The following TWIST2 variants were observed in gnomAD, a reference collection of about 807,000 sequenced individuals.
TWIST2 encodes twist-related protein 2.
TWIST2 carries 1 observed loss-of-function variant against 11.6 expected under a neutral mutation model. That is an observed-to-expected ratio of 0.09 (90% CI 0.03 to 0.41). The LOEUF (loss-of-function observed/expected upper bound fraction) is 0.41, where lower values mean the gene tolerates loss of function less well. TWIST2 is among the 10% of genes least tolerant of loss of function. The probability of loss-of-function intolerance (pLI) is 0.98; values close to 1 mark genes in which losing one functional copy is unlikely to be tolerated. For synonymous variants in TWIST2, 87 were observed against 96.6 expected (o/e 0.90, Z 0.58); for missense variants, 168 against 226.4 (o/e 0.74, Z 1.66).
intron 1 of TWIST2, among the ~76,000 whole-genome samples, chr2:238,859,462 C>G (rs1348942141): frequency 6.6e-6 from 1 of 151,814 alleles, no homozygotes; most frequent in Non-Finnish European, 1.5e-5. Flanking sequence ...CAAAACGCTC[C>G]AGAACTAGGT....
At chr2:238,890,787 T>C (rs34323971) in intron 1 of TWIST2, among the ~76,000 whole-genome samples, 27,757 of 152,046 alleles carry the variant, frequency 0.18, 2,779 homozygotes, top group African/African-American at 0.24. Flanking sequence ...GGGGGATTAG[T>C]CTCTAAGCTC....
intron 1 of TWIST2, among the ~76,000 whole-genome samples, chr2:238,905,888 CGCATGCGCGTGTGTGCGTGT>C (rs1693336689): frequency 2.3e-4 from 32 of 141,348 alleles, no homozygotes; most frequent in African/African-American, 7.5e-4. Context: ...TGCATGTGCG[CGCATGCGCGTGTGTGCGTGT>C]GTGTGCGTGC....
At chr2:238,887,792 G>A (rs563418048) in intron 1 of TWIST2, among the ~76,000 whole-genome samples, 4 of 152,350 alleles carry the variant, frequency 2.6e-5, no homozygotes, top group Middle Eastern at 3.4e-3. Context: ...GAGTCCCTTC[G>A]TGACTGCGTG....
intron 1 of TWIST2, among the ~76,000 whole-genome samples, chr2:238,887,903 T>C (rs1479389721): frequency 1.3e-5 from 2 of 152,218 alleles, no homozygotes; most frequent in Non-Finnish European, 2.9e-5. Flanking sequence ...AAGCCTAACT[T>C]GTTCTGCCTG....
intron 1 of TWIST2, among the ~76,000 whole-genome samples, chr2:238,876,521 T>G (rs933272793): frequency 2.6e-5 from 4 of 152,122 alleles, no homozygotes; most frequent in African/African-American, 9.7e-5. Context: ...GCAGCTAGAT[T>G]AGAAAAAATA....
intron 1 of TWIST2, among the ~76,000 whole-genome samples, chr2:238,888,123 G>A (rs1693073637): frequency 6.6e-6 from 1 of 152,168 alleles, no homozygotes; most frequent in African/African-American, 2.4e-5. Flanking sequence ...AGCTTCATTT[G>A]TTATTTACTA....
intron 1 of TWIST2, among the ~76,000 whole-genome samples, chr2:238,908,988 T>C (rs1693405162): frequency 1.3e-5 from 2 of 152,210 alleles, no homozygotes; most frequent in African/African-American, 4.8e-5. Flanking sequence ...GTGTGTAGTG[T>C]GTAGTATGTT....
chr2:238,876,190 C>A (rs1692802766), intron 1 of TWIST2, among the ~76,000 whole-genome samples: 1 of 152,318 alleles, frequency 6.6e-6, no homozygotes, highest in South Asian at 2.1e-4. Flanking sequence ...AACGGCTGAA[C>A]CTCACTAGAG....
intron 1 of TWIST2, among the ~76,000 whole-genome samples, chr2:238,891,641 G>A (rs1473277880): frequency 6.6e-6 from 1 of 152,196 alleles, no homozygotes; most frequent in Non-Finnish European, 1.5e-5. Flanking sequence ...GTCCTGAAAG[G>A]CAGGTGGGGG....
At chr2:238,854,213 A>G (rs1692291404) in intron 1 of TWIST2, among the ~76,000 whole-genome samples, 1 of 151,890 alleles carries the variant, frequency 6.6e-6, no homozygotes, top group Admixed American at 6.6e-5. Flanking sequence ...CCTGGAAAAT[A>G]CTCCTGTCTT....
intron 1 of TWIST2, among the ~76,000 whole-genome samples, chr2:238,906,593 ACACACT>A (rs1301639506): frequency 2.7e-5 from 4 of 150,692 alleles, no homozygotes; most frequent in African/African-American, 9.9e-5. Flanking sequence ...GCACATGGAC[ACACACT>A]CACTCTGGAC....
intron 1 of TWIST2, among the ~76,000 whole-genome samples, chr2:238,871,786 C>T (rs1692708997): frequency 6.6e-6 from 1 of 152,044 alleles, no homozygotes; most frequent in African/African-American, 2.4e-5. Context: ...GCTGAGTGAA[C>T]TAAGCTGGTC....
At chr2:238,871,777 C>G (rs1358633886) in intron 1 of TWIST2, among the ~76,000 whole-genome samples, 1 of 151,956 alleles carries the variant, frequency 6.6e-6, no homozygotes, top group African/African-American at 2.4e-5. Context: ...GGACACGGTG[C>G]TGAGTGAACT....
At chr2:238,852,782 G>A (rs567189642) in intron 1 of TWIST2, among the ~76,000 whole-genome samples, 12 of 152,302 alleles carry the variant, frequency 7.9e-5, no homozygotes, top group Admixed American at 2.0e-4. Context: ...ATTGCAAGAT[G>A]TCATCACTGG....
At chr2:238,858,010 G>A (rs1157581434) in intron 1 of TWIST2, among the ~76,000 whole-genome samples, 2 of 152,166 alleles carry the variant, frequency 1.3e-5, no homozygotes, top group Non-Finnish European at 2.9e-5. Flanking sequence ...CCTCCCGGCT[G>A]GTTCCTCCAA....
intron 1 of TWIST2, among the ~76,000 whole-genome samples, chr2:238,870,883 CCACATA>C (rs1692676941): frequency 1.7e-5 from 1 of 59,914 alleles, no homozygotes; most frequent in Admixed American, 1.7e-4. Context: ...CACACACACA[CCACATA>C]CACACCACAT....
At chr2:238,882,247 G>A (rs1257749473) in intron 1 of TWIST2, among the ~76,000 whole-genome samples, 2 of 152,122 alleles carry the variant, frequency 1.3e-5, no homozygotes, top group African/African-American at 4.8e-5. Flanking sequence ...GAGCCTGAGG[G>A]TCTGCTGTCT....
intron 1 of TWIST2, among the ~76,000 whole-genome samples, chr2:238,865,853 C>T (rs770991237): frequency 2.2e-4 from 33 of 152,180 alleles, no homozygotes; most frequent in Non-Finnish European, 3.1e-4. Flanking sequence ...GCGATGTCAC[C>T]TTGTGTGGTG....
At chr2:238,902,767 T>C (rs1167928743) in intron 1 of TWIST2, among the ~76,000 whole-genome samples, 19 of 135,988 alleles carry the variant, frequency 1.4e-4, no homozygotes, top group African/African-American at 5.1e-4. Context: ...ATGTGCGTGA[T>C]GTGAGGTGTG....
Sources: gnomAD v4.1 joint callset for allele counts (sites outside exome capture counted in the v4.1 genomes callset) on GRCh38, gnomAD v4.1.1 for gene constraint, MANE v1.5 for transcripts, NCBI Gene and HGNC (gene_info 2026-07-23, HGNC 2026-07-21) for gene names.